The following MRPL37 variants were observed in gnomAD, a reference collection of about 807,000 sequenced individuals.
MRPL37 encodes large ribosomal subunit protein mL37.
Under a neutral mutation model 44.1 loss-of-function variants are expected in MRPL37, and 34 were observed. The ratio of observed to expected loss-of-function variants is 0.77; its 90% confidence interval spans 0.59 to 1.03. The LOEUF (loss-of-function observed/expected upper bound fraction) is 1.03, where lower values mean the gene tolerates loss of function less well. Among genes scored for constraint, MRPL37 ranks in the 50% least tolerant of loss-of-function variants. The pLI, the probability that MRPL37 is intolerant of heterozygous loss-of-function variation, is 0.00. For missense variants in MRPL37, 532 were observed against 543.7 expected, an observed-to-expected ratio of 0.98 and a Z score of 0.21; for synonymous variants, 212 against 219.5, an observed-to-expected ratio of 0.97 and a Z score of 0.30.
intron 5 of MRPL37, among the ~76,000 whole-genome samples, chr1:54,213,047 T>C (rs1644175470): frequency 6.6e-6 from 1 of 152,218 alleles, no homozygotes; most frequent in African/African-American, 2.4e-5. Context: ...GCCTCTGTTC[T>C]TGTAGTGGCA....
intron 4 of MRPL37, among the ~76,000 whole-genome samples, chr1:54,211,650 A>T (rs1007718664): frequency 2.0e-5 from 3 of 152,026 alleles, no homozygotes; most frequent in Admixed American, 6.6e-5. Context: ...GTGCTACCAC[A>T]CCTGGCTAAT....
chr1:54,219,631 C>G (rs976982914), downstream of MRPL37, among the ~76,000 whole-genome samples: 5 of 152,206 alleles, frequency 3.3e-5, no homozygotes, highest in Admixed American at 6.5e-5. Flanking sequence ...AGACAGGAAA[C>G]AATTATACAT....
chr1:54,212,266 A>G (rs1179765650), intron 4 of MRPL37, among the ~76,000 whole-genome samples: 2 of 152,250 alleles, frequency 1.3e-5, no homozygotes, highest in Non-Finnish European at 1.5e-5. Flanking sequence ...AGTCATACGT[A>G]AATGAGTGAA....
downstream of MRPL37, among the ~76,000 whole-genome samples, chr1:54,224,039 C>A (rs1003628505): frequency 6.6e-6 from 1 of 152,226 alleles, no homozygotes; most frequent in Non-Finnish European, 1.5e-5. Context: ...GGCTGGGCCC[C>A]GTGACCTGCC....
chr1:54,204,487 A>G (rs1375291541), intron 1 of MRPL37, among the ~76,000 whole-genome samples: 2 of 152,134 alleles, frequency 1.3e-5, no homozygotes, highest in African/African-American at 4.8e-5. Flanking sequence ...TAAAATATTC[A>G]TGAAAATCCG....
Position 54,218,359 on chromosome 1 carries a change from TA to T in MRPL37, c.*113del. On this transcript the variant is annotated 3_prime_UTR_variant, in exon 7 of 7. Transcript: ENST00000360840. ...TTTGGCCTGCTGCTCTCGCTGACAA[TA>T]AAGAGCCCTTGCGTTGCACTGAAGC... is the stretch of plus-strand genomic sequence containing the variant. 1.3e-6 allele frequency: 2 copies of T among 1,582,046 alleles called. No individual in the cohort carries two copies. The highest frequency in any genetic ancestry group is 2.3e-5 in the South Asian group (2 of 86,638).
At chr1:54,222,868 T>A (rs781321200), downstream of MRPL37, among the ~76,000 whole-genome samples, 13 of 152,186 alleles carry the variant, frequency 8.5e-5, no homozygotes, top group Non-Finnish European at 1.9e-4. Flanking sequence ...AAACGGCATC[T>A]CTGTCCTTCC....
Position 54,200,486 on chromosome 1 carries a change from C to T in MRPL37, c.243C>T (p.Gly81=), listed in dbSNP as rs1644071146. The T allele has an allele frequency of 6.2e-7, 1 of 1,614,120 alleles. No individual in the cohort carries two copies. The highest frequency in any genetic ancestry group is 8.5e-7 in the Non-Finnish European group (1 of 1,180,050). Residue 81 remains glycine, a synonymous_variant, in exon 1 of 7, where the codon GGC becomes GGT. Transcript: ENST00000360840. ...ARPIFPPWDR[G]YKDPRFYRSP... ...CGATCTTTCCGCCCTGGGACCGCGG[C>T]TACAAGGACCCAAGGTTCTACCGCT...
Position 54,205,393 on chromosome 1 carries a change from C to CT in MRPL37, c.630dup (p.Ala211CysfsTer23), listed in dbSNP as rs1332981166. 3.7e-6 allele frequency: 6 copies of CT among 1,613,758 alleles called. No individual in the cohort carries two copies. Among genetic ancestry groups the CT allele is most frequent in the Non-Finnish European group, 5.1e-6 (6 of 1,179,882 alleles). On this transcript the variant is annotated frameshift_variant, in exon 3 of 7. Coordinates refer to ENST00000360840, the MANE Select transcript of MRPL37 (RefSeq NM_016491.4). LOFTEE classifies it high-confidence loss of function. Reference sequence around the variant, plus strand: ...ATCTGTGTCCAAAACTCCACGTTTTCTGCTACCTGGAACCGAGGTTGGTCA... The same window carrying CT: ...ATCTGTGTCCAAAACTCCACGTTTTCTTGCTACCTGGAACCGAGGTTGGTCA...
chr1:54,203,217 T>G (rs1412619156), intron 1 of MRPL37, among the ~76,000 whole-genome samples: 1 of 152,140 alleles, frequency 6.6e-6, no homozygotes, highest in Non-Finnish European at 1.5e-5. Context: ...TGCAATGGTG[T>G]GATCACAGCT....
At chr1:54,220,054 G>C (rs1347703823), downstream of MRPL37, among the ~76,000 whole-genome samples, 1 of 152,014 alleles carries the variant, frequency 6.6e-6, no homozygotes, top group African/African-American at 2.4e-5. Flanking sequence ...GAATTGCTGA[G>C]TCAAACGTTT....
At chr1:54,223,133 C>T (rs894058862), downstream of MRPL37, among the ~76,000 whole-genome samples, 2 of 152,222 alleles carry the variant, frequency 1.3e-5, no homozygotes, top group African/African-American at 2.4e-5. Context: ...CCTTTCAGCA[C>T]CCACCCTCGT....
At chr1:54,225,202 A>G (rs1302048612), downstream of MRPL37, 1 of 1,234,398 alleles carries the variant, frequency 8.1e-7, no homozygotes, top group Non-Finnish European at 1.0e-6. Flanking sequence ...ACGGCCCCCA[A>G]ATATTTAAAG....
downstream of MRPL37, chr1:54,225,139 T>C: frequency 1.6e-6 from 2 of 1,234,252 alleles, no homozygotes; most frequent in Non-Finnish European, 2.0e-6. Context: ...ATAAAAGACA[T>C]TCCAGCGGAC....
At position 54,200,348 on chromosome 1, in the gene MRPL37, G is replaced by A; in HGVS notation, c.105G>A (p.Val35=). 6.2e-7 allele frequency: 1 copy of A among 1,614,136 alleles called. No homozygotes were observed. ...GACGCGGGGCGTATGAGTGGGGCGT[G>A]CGCTCCACGCGGAAGTCGGAGCCTC... The part of the protein sequence containing the change: ...APRRGAYEWG[V]RSTRKSEPPP... Residue 35 remains valine, a synonymous_variant, in exon 1 of 7, where the codon GTG becomes GTA. Transcript: ENST00000360840.
In MRPL37 at chr1:54,200,209, G is replaced by A. The variant is rs768928123; in HGVS notation, c.-35G>A. On this transcript the variant is annotated 5_prime_UTR_variant, in exon 1 of 7. Coordinates refer to ENST00000360840, the MANE Select transcript of MRPL37 (RefSeq NM_016491.4). The stretch of plus-strand genomic sequence containing the variant: ...GGCCCTGCGCGCGGCAACATGGCGG[G>A]GTCCAGGTGGAGGTCTTGAGGCTAT... The A allele has an allele frequency of 2.0e-6, 3 of 1,508,354 alleles. No individual in the cohort carries two copies. The highest frequency in any genetic ancestry group is 2.3e-5 in the East Asian group (1 of 43,976). 93.4% of individuals were successfully genotyped at this position (1,508,354 alleles called of 1,614,324 possible).
Position 54,216,176 on chromosome 1 carries a change from G to C in MRPL37, c.1026G>C (p.Val342=). The C allele has an allele frequency of 6.2e-7, 1 of 1,614,238 alleles. No individual in the cohort carries two copies. The highest frequency in any genetic ancestry group is 8.5e-7 in the Non-Finnish European group (1 of 1,180,042). ...DAKVLEQPVV[V]QSVGTDGRVF... ...AGGTCTTGGAGCAGCCCGTGGTGGT[G>C]CAGAGCGTGGGCACGGATGGACGTG... The change falls in exon 6 of 7, where the codon GTG becomes GTC. Residue 342 remains valine, a synonymous_variant. Coordinates refer to ENST00000360840, the MANE Select transcript of MRPL37 (RefSeq NM_016491.4).
chr1:54,211,040 C>G (rs1357392746), intron 4 of MRPL37, among the ~76,000 whole-genome samples: 1 of 152,134 alleles, frequency 6.6e-6, no homozygotes, highest in African/African-American at 2.4e-5. Context: ...ATTCATCATG[C>G]CCTCTCTCAC....
chr1:54,225,341 G>A, downstream of MRPL37: 2 of 1,234,120 alleles, frequency 1.6e-6, no homozygotes, highest in Non-Finnish European at 2.0e-6. Flanking sequence ...TTATGCACCA[G>A]GAACAAAAAC....
Sources: gnomAD v4.1 joint callset for allele counts (sites outside exome capture counted in the v4.1 genomes callset) on GRCh38, gnomAD v4.1.1 for gene constraint, MANE v1.5 for transcripts, NCBI Gene and HGNC (gene_info 2026-07-23, HGNC 2026-07-21) for gene names.